TPRN: variants seen among roughly 807,000 people sequenced by gnomAD.
The protein encoded by TPRN is chromosome 9 open reading frame 75.
A neutral mutation model predicts 42.6 loss-of-function variants in TPRN; 32 were observed. The observed-to-expected ratio is 0.75, with a 90% confidence interval of 0.57 to 1.01. The LOEUF (loss-of-function observed/expected upper bound fraction) is 1.01, where lower values mean the gene tolerates loss of function less well. TPRN is among the 50% of genes least tolerant of loss of function. TPRN has a pLI of 0.00. For synonymous variants in TPRN, 541 were observed against 445.6 expected (o/e 1.21, Z -2.70); for missense variants, 1,095 against 957.5 (o/e 1.14, Z -1.90).
At position 137,199,473 on chromosome 9, in the gene TPRN, C is replaced by A; in HGVS notation, c.1239G>T (p.Trp413Cys). The A allele has an allele frequency of 6.3e-7, 1 of 1,598,420 alleles. No homozygotes were observed. The change falls in exon 1 of 4, where the codon TGG (tryptophan) becomes TGT (cysteine). Residue 413 changes from tryptophan (W) to cysteine (C), a missense_variant. By Grantham distance (215) the Trp-to-Cys change is radical. Coordinates refer to ENST00000409012, the MANE Select transcript of TPRN (RefSeq NM_001128228.3). ...AGGGGGGCGGTGAGGACGGCCTCTG[C>A]CACCTAATAGCCCGGTCAGCGAGGG... ...ATALADRAIR[W>C]QRPSSPPPFL...
At position 137,200,607 on chromosome 9, in the gene TPRN, C is replaced by A; in HGVS notation, c.105G>T (p.Gly35=). 1 of 1,162,246 alleles carries A rather than the reference C, an allele frequency of 8.6e-7. No individual in the cohort carries two copies. The highest frequency in any genetic ancestry group is 3.7e-5 in the South Asian group (1 of 26,910). The allele number at this position is 1,162,246 out of a possible 1,614,324, so 72.0% of individuals were successfully genotyped here. A position where few individuals can be genotyped will look rare whatever the true frequency, so the allele number is the denominator to read the frequency against. ...GCTCCGCCGCCCCGGGCCCCGCGCC[C>A]CCGCCCAGCGCGGCTAGCTTGGCCC... ...RKRAKLAALG[G]GAGPGAAEPE... is the part of the protein sequence containing the mutation. The change falls in exon 1 of 4, where the codon GGG becomes GGT. Residue 35 remains glycine, a synonymous_variant. Coordinates refer to ENST00000409012, the MANE Select transcript of TPRN (RefSeq NM_001128228.3). The surrounding 1 kb of genome is among the most constrained non-coding windows in gnomAD (Gnocchi z 4.3).
intron 1 of TPRN, among the ~76,000 whole-genome samples, chr9:137,196,907 G>C (rs1046817753): frequency 1.3e-5 from 2 of 152,348 alleles, no homozygotes; most frequent in South Asian, 4.1e-4. Context: ...ACCTGGCCAT[G>C]CCAGGTATCG....
chr9:137,197,762 G>A (rs1359847801), intron 1 of TPRN, among the ~76,000 whole-genome samples: 1 of 152,186 alleles, frequency 6.6e-6, no homozygotes, highest in Non-Finnish European at 1.5e-5. Flanking sequence ...ATGGGCTGGG[G>A]TGATGCTCGG....
rs953772820 is a variant in TPRN, at chr9:137,199,072, G to A, written c.1640C>T (p.Pro547Leu). 2.5e-6 allele frequency: 4 copies of A among 1,613,184 alleles called. No individual in the cohort carries two copies. The highest frequency in any genetic ancestry group is 3.4e-6 in the Non-Finnish European group (4 of 1,180,008). The change falls in exon 1 of 4, where the codon CCC becomes CTC. Residue 547 changes from proline to leucine, a missense_variant. Physicochemically the swap from Pro to Leu is moderately conservative, Grantham distance 98 (BLOSUM62 -3). Transcript: ENST00000409012. ...LLGPTLKKRYPTVHEIEVIGG... is the reference protein window; with the variant it reads ...LLGPTLKKRYLTVHEIEVIGG... ...AATCACCTCGATCTCATGCACGGTGGGGTAGCGCTTCTTCAACGTGGGCCC... is the reference window on the plus strand; with the variant it reads ...AATCACCTCGATCTCATGCACGGTGAGGTAGCGCTTCTTCAACGTGGGCCC...
rs1834765879 is a variant in TPRN, at chr9:137,199,606, G to A, written c.1106C>T (p.Ser369Phe). The A allele has an allele frequency of 1.9e-6, 3 of 1,557,526 alleles. No homozygotes were observed. The South Asian group carries it at 3.5e-5, about 18-fold the overall frequency. The change falls in exon 1 of 4, where the codon TCC becomes TTC. Residue 369 changes from serine (S) to phenylalanine (F), a missense_variant. Physicochemically the swap from Ser to Phe is radical, Grantham distance 155 (BLOSUM62 -2). Coordinates refer to ENST00000409012, the MANE Select transcript of TPRN (RefSeq NM_001128228.3). The stretch of plus-strand genomic sequence containing the variant: ...ACCATCCCCTCCAGGCACCGGCTGG[G>A]ATCCGAGCTCCTGGCTCGGGGAGGC... ...GPASPSQELG[S>F]QPVPGGDGAP...
Position 137,191,945 on chromosome 9 carries a change from C to A in TPRN, c.*167G>T. The A allele has an allele frequency of 1.2e-6, 1 of 830,184 alleles. No individual in the cohort carries two copies. Among genetic ancestry groups the A allele is most frequent in the Non-Finnish European group, 2.0e-6 (1 of 512,768 alleles). The allele number at this position is 830,184 out of a possible 1,614,324, so 51.4% of individuals were successfully genotyped here. A position where few individuals can be genotyped will look rare whatever the true frequency, so the allele number is the denominator to read the frequency against. ...TCAGGGCCGGGGAGTGAGACCCAGA[C>A]CTGGCCCCGATGGCAGGAGGCACCC... On this transcript the variant is annotated 3_prime_UTR_variant, in exon 4 of 4. Coordinates refer to ENST00000409012, the MANE Select transcript of TPRN (RefSeq NM_001128228.3).
In TPRN at chr9:137,199,559, G is replaced by C; in HGVS notation, c.1153C>G (p.Pro385Ala). ...GDGAPALGKS[P>A]LEVEAQWAVE... ...GCCCACTGTGCCTCGACCTCCAGGG[G>C]GCTCTTCCCGAGGGCAGGCGCACCA... is the stretch of plus-strand genomic sequence containing the variant. The change falls in exon 1 of 4, where the codon CCC (proline) becomes GCC (alanine). Residue 385 changes from proline (P) to alanine (A), a missense_variant. By Grantham distance (27) the Pro-to-Ala change is conservative. Coordinates refer to ENST00000409012, the MANE Select transcript of TPRN (RefSeq NM_001128228.3). 6.4e-7 allele frequency: 1 copy of C among 1,559,112 alleles called. No homozygotes were observed. Among genetic ancestry groups the C allele is most frequent in the Non-Finnish European group, 8.7e-7 (1 of 1,152,106 alleles).
chr9:137,199,111 G>GCCT lies in TPRN; in HGVS notation c.1598_1600dup (p.Glu533dup), dbSNP rs775216898. 4 of 1,613,112 alleles carry GCCT rather than the reference G, an allele frequency of 2.5e-6. No homozygotes were observed. The African/African-American group carries it at 5.3e-5, about 22-fold the overall frequency. ...CAACGTGGGCCCCAGGAGGCAACTAGCCTCCTCCTCCTCGGCCTCCCGTGG... is the reference window on the plus strand; with the variant it reads ...CAACGTGGGCCCCAGGAGGCAACTAGCCTCCTCCTCCTCCTCGGCCTCCCGTGG... On this transcript the variant is annotated inframe_insertion, in exon 1 of 4. Coordinates refer to ENST00000409012, the MANE Select transcript of TPRN (RefSeq NM_001128228.3).
Position 137,192,548 on chromosome 9 carries a change from G to T in TPRN, c.1869C>A (p.Ser623=). Residue 623 remains serine (S), a synonymous_variant, in exon 2 of 4, where the codon TCC becomes TCA. Transcript: ENST00000409012. ...EEEEEEEEEG[S]GSEEKPFALF... ...GTGCAAAGGGCTTCTCCTCTGAGCCGGATCCCTCTTCCTCCTCTTCCTCTT... is the reference window on the plus strand; with the variant it reads ...GTGCAAAGGGCTTCTCCTCTGAGCCTGATCCCTCTTCCTCCTCTTCCTCTT... 6.2e-7 allele frequency: 1 copy of T among 1,609,182 alleles called. No individual in the cohort carries two copies. The highest frequency in any genetic ancestry group is 8.5e-7 in the Non-Finnish European group (1 of 1,177,936).
Position 137,199,695 on chromosome 9 carries a change from G to A in TPRN, c.1017C>T (p.Ala339=). The A allele has an allele frequency of 6.2e-7, 1 of 1,609,266 alleles. No homozygotes were observed. The highest frequency in any genetic ancestry group is 1.1e-5 in the South Asian group (1 of 90,276). Residue 339 remains alanine (A), a synonymous_variant, in exon 1 of 4, where the codon GCC becomes GCT. Transcript: ENST00000409012. ...TCCCCTCAGGAGGAGGAGCCCCGGA[G>A]GCCTTGCTCTTGGGGATGACCATGA... The part of the protein sequence containing the change: ...NSFMVIPKSK[A]SGAPPPEGRQ...
Position 137,191,651 on chromosome 9 carries a change from C to T in TPRN, c.*461G>A. On this transcript the variant is annotated 3_prime_UTR_variant, in exon 4 of 4. Coordinates refer to ENST00000409012, the MANE Select transcript of TPRN (RefSeq NM_001128228.3). ...CAGTGCTGTTTATTGAGTCCATCAT[C>T]AGAGGCAGGAAAGACGCCACTCATC... 1 of 312,300 alleles carries T rather than the reference C, an allele frequency of 3.2e-6. No homozygotes were observed. The highest frequency in any genetic ancestry group is 2.9e-5 in the South Asian group (1 of 35,026). The allele number at this position is 312,300 out of a possible 1,614,324, so 19.3% of individuals were successfully genotyped here.
chr9:137,193,394 C>T (rs1834657255), intron 1 of TPRN: 1 of 152,782 alleles, frequency 6.5e-6, no homozygotes, highest in African/African-American at 2.4e-5. Flanking sequence ...GTGACCCCTT[C>T]CTCACCCTGC....
At chr9:137,195,409 G>A (rs563469204) in intron 1 of TPRN, among the ~76,000 whole-genome samples, 19 of 152,338 alleles carry the variant, frequency 1.2e-4, no homozygotes, top group Non-Finnish European at 2.2e-4. Flanking sequence ...GCGGAGAGAC[G>A]AGAAGGAAAG....
At position 137,200,493 on chromosome 9, in the gene TPRN, G is replaced by C. The variant is rs933992223; in HGVS notation, c.219C>G (p.Gly73=). ...GCTCCAGCAGCCGCGCCCCCGCCGCGCCCCCGCCGCGCCGCCGCTCGGCCT... is the reference window on the plus strand; with the variant it reads ...GCTCCAGCAGCCGCGCCCCCGCCGCCCCCCCGCCGCGCCGCCGCTCGGCCT... ...LLEAERRRGG[G]AAGARLLERY... is the part of the protein sequence containing the mutation. Residue 73 remains glycine, a synonymous_variant, in exon 1 of 4, where the codon GGC becomes GGG. Transcript: ENST00000409012. The surrounding 1 kb of genome is among the most constrained non-coding windows in gnomAD (Gnocchi z 4.3). 1 of 1,138,436 alleles carries C rather than the reference G, an allele frequency of 8.8e-7. No individual in the cohort carries two copies. The highest frequency in any genetic ancestry group is 2.9e-5 in the South Asian group (1 of 34,920). The allele number at this position is 1,138,436 out of a possible 1,614,324, so 70.5% of individuals were successfully genotyped here.
intron 1 of TPRN, among the ~76,000 whole-genome samples, chr9:137,196,416 G>A (rs1197319350): frequency 2.6e-5 from 4 of 152,136 alleles, no homozygotes; most frequent in South Asian, 2.1e-4. Context: ...GTAAAACCTC[G>A]TCTCTACTAA....
chr9:137,200,513 C>G lies in TPRN; in HGVS notation c.199G>C (p.Glu67Gln), dbSNP rs753739683. 256 of 1,161,248 alleles carry G rather than the reference C, an allele frequency of 2.2e-4. 1 individual carries two copies. The highest frequency in any genetic ancestry group is 4.2e-4 in the Admixed American group (10 of 23,774). The allele number at this position is 1,161,248 out of a possible 1,614,324, so 71.9% of individuals were successfully genotyped here. Residue 67 changes from glutamate (E) to glutamine (Q), a missense_variant, in exon 1 of 4, where the codon GAG (glutamate) becomes CAG (glutamine). By Grantham distance (29) the Glu-to-Gln change is conservative. Coordinates refer to ENST00000409012, the MANE Select transcript of TPRN (RefSeq NM_001128228.3). The surrounding 1 kb of genome is among the most constrained non-coding windows in gnomAD (Gnocchi z 4.3). Reference sequence around the variant, plus strand: ...GCCGCGCCCCCGCCGCGCCGCCGCTCGGCCTCCAGCAGCATGAACGGGTTC... The same window carrying G: ...GCCGCGCCCCCGCCGCGCCGCCGCTGGGCCTCCAGCAGCATGAACGGGTTC... ...RENPFMLLEA[E>Q]RRRGGGAAGA...
intron 1 of TPRN, chr9:137,193,743 C>G (rs959087955): frequency 2.6e-5 from 4 of 152,446 alleles, no homozygotes; most frequent in Non-Finnish European, 5.9e-5. Flanking sequence ...CACAGGACAC[C>G]AGCAGCTCAA....
Position 137,200,280 on chromosome 9 carries a change from G to C in TPRN, c.432C>G (p.Ala144=). The C allele has an allele frequency of 1.0e-6, 1 of 984,180 alleles. No homozygotes were observed. Among genetic ancestry groups the C allele is most frequent in the Non-Finnish European group, 1.2e-6 (1 of 831,280 alleles). 61.0% of individuals were successfully genotyped at this position (984,180 alleles called of 1,614,324 possible). ...SRLLERFDPP[A]APRRRGSPER... ...CGGGGCTCCCGCGGCGGCGCGGCGC[G>C]GCGGGCGGGTCGAACCTCTCCAGTA... The change falls in exon 1 of 4, where the codon GCC becomes GCG. Residue 144 remains alanine, a synonymous_variant. Transcript: ENST00000409012. The surrounding 1 kb of genome is among the most constrained non-coding windows in gnomAD (Gnocchi z 4.3).
rs138547889 is a variant in TPRN, at chr9:137,199,139, G to A, written c.1573C>T (p.Arg525Trp). The A allele has an allele frequency of 5.6e-4, 902 of 1,613,218 alleles. No homozygotes were observed. Among genetic ancestry groups the A allele is most frequent in the Non-Finnish European group, 5.9e-4 (695 of 1,180,012 alleles). ...QHFSQANREP[R>W]PREAEEEEAS... ...TCCTCCTCCTCGGCCTCCCGTGGCC[G>A]AGGCTCCCTGTTGGCCTGACTGAAG... is the stretch of plus-strand genomic sequence containing the variant. Residue 525 changes from arginine to tryptophan, a missense_variant, in exon 1 of 4, where the codon CGG (arginine) becomes TGG (tryptophan). Transcript: ENST00000409012.
Sources: gnomAD v4.1 joint callset for allele counts (sites outside exome capture counted in the v4.1 genomes callset) on GRCh38, gnomAD v4.1.1 for gene constraint, Gnocchi (gnomAD v3.1) non-coding constraint, MANE v1.5 for transcripts, NCBI Gene and HGNC (gene_info 2026-07-23, HGNC 2026-07-21) for gene names.